Variants in SNAP91 observed in about 807,000 individuals in gnomAD.
SNAP91 encodes synaptosome associated protein 91, also known as clathrin coat assembly protein AP180.
A neutral mutation model predicts 100.3 loss-of-function variants in SNAP91; 27 were observed. The observed-to-expected ratio is 0.27, with a 90% confidence interval of 0.20 to 0.37. SNAP91 has a LOEUF of 0.37. Ranked by LOEUF, SNAP91 falls within the 10% of genes least tolerant of loss-of-function variation. The probability of loss-of-function intolerance (pLI) is 1.00; values close to 1 mark genes in which losing one functional copy is unlikely to be tolerated. For synonymous variants in SNAP91, 404 were observed against 398.6 expected (o/e 1.01, Z -0.16); for missense variants, 986 against 1,123.7 (o/e 0.88, Z 1.75).
At chr6:83,565,860 T>C (rs1795815366) in intron 26 of SNAP91, among the ~76,000 whole-genome samples, 2 of 152,158 alleles carry the variant, frequency 1.3e-5, no homozygotes, top group Non-Finnish European at 2.9e-5. Flanking sequence ...GTATTGCTGG[T>C]GGCAATGTAA....
chr6:83,661,660 T>A, intron 4 of SNAP91, 56 bp from the exon 5 acceptor site: 10 of 985,934 alleles, frequency 1.0e-5, no homozygotes, highest in Non-Finnish European at 1.5e-5. Flanking sequence ...TCAACTGTGC[T>A]TTGCATAGTA....
At chr6:83,678,388 T>G (rs1458129506) in intron 2 of SNAP91, among the ~76,000 whole-genome samples, 1 of 152,060 alleles carries the variant, frequency 6.6e-6, no homozygotes, top group Admixed American at 6.6e-5. Context: ...TTATCCTTAT[T>G]TAACTCCTTA....
At chr6:83,595,280 G>T (rs2094328921) in intron 16 of SNAP91, among the ~76,000 whole-genome samples, 1 of 152,046 alleles carries the variant, frequency 6.6e-6, no homozygotes, top group South Asian at 2.1e-4. Context: ...AATAGGGTAT[G>T]ATACCATAAT....
At chr6:83,665,963 C>A (rs2128771969) in intron 2 of SNAP91, among the ~76,000 whole-genome samples, 1 of 152,108 alleles carries the variant, frequency 6.6e-6, no homozygotes, top group Non-Finnish European at 1.5e-5. Flanking sequence ...ATTCTATATG[C>A]CATTTGAAGG....
chr6:83,570,174 T>G (rs898616694), intron 26 of SNAP91, among the ~76,000 whole-genome samples: 2 of 152,128 alleles, frequency 1.3e-5, no homozygotes, highest in Admixed American at 1.3e-4. Flanking sequence ...ATTCTTGTTA[T>G]GTTTTAGCAG....
At chr6:83,627,956 A>G (rs1309390623) in intron 8 of SNAP91, among the ~76,000 whole-genome samples, 2 of 151,622 alleles carry the variant, frequency 1.3e-5, no homozygotes, top group African/African-American at 2.4e-5. Context: ...ACCCATCACC[A>G]TAGTAGTGTA....
chr6:83,615,974 CAGAA>C (rs2096462839), intron 10 of SNAP91, among the ~76,000 whole-genome samples: 2 of 152,136 alleles, frequency 1.3e-5, no homozygotes, highest in Admixed American at 1.3e-4. Flanking sequence ...ATGGAATAAA[CAGAA>C]AGCTGGTATC....
At chr6:83,658,525 C>T (rs557834757) in intron 6 of SNAP91, among the ~76,000 whole-genome samples, 1 of 152,158 alleles carries the variant, frequency 6.6e-6, no homozygotes, top group South Asian at 2.1e-4. Flanking sequence ...AGGAGAATGG[C>T]GTGAACCCAG....
intron 22 of SNAP91, among the ~76,000 whole-genome samples, chr6:83,590,996 G>A (rs1361036309): frequency 6.6e-6 from 1 of 152,116 alleles, no homozygotes; most frequent in African/African-American, 2.4e-5. Flanking sequence ...GGTGTACTAT[G>A]AGATGCTGAA....
At chr6:83,708,080 CCT>C in intron 1 of SNAP91, 123 bp from the exon 2 acceptor site, 1 of 796,314 alleles carries the variant, frequency 1.3e-6, no homozygotes, top group Middle Eastern at 3.7e-4. Flanking sequence ...CCTGGCACCA[CCT>C]CTCGGAGCCA....
Position 83,601,301 on chromosome 6 carries a change from C to A in SNAP91, c.1294G>T (p.Ala432Ser). The change falls in exon 16 of 30, where the codon GCT (alanine) becomes TCT (serine). Residue 432 changes from alanine (A) to serine (S), a missense_variant. This residue lies in a region of SNAP91 where 575 missense variants were observed against 579.9 expected (regional missense o/e 0.99). Coordinates refer to ENST00000369694, the MANE Select transcript of SNAP91 (RefSeq NM_001242792.2). ...ASASTTTTVTAVTAEVDLFGD... is the reference protein window; with the variant it reads ...ASASTTTTVTSVTAEVDLFGD... ...AAGAGATCCACTTCAGCAGTGACAGCAGTAACAGTTGTAGTAGTGGAGGCA... is the reference window on the plus strand; with the variant it reads ...AAGAGATCCACTTCAGCAGTGACAGAAGTAACAGTTGTAGTAGTGGAGGCA... 1 of 1,613,466 alleles carries A rather than the reference C, an allele frequency of 6.2e-7. No homozygotes were observed. Among genetic ancestry groups the A allele is most frequent in the South Asian group, 1.1e-5 (1 of 91,044 alleles).
chr6:83,584,815 TC>T (rs60916075), intron 22 of SNAP91, among the ~76,000 whole-genome samples: 4,355 of 152,266 alleles, frequency 0.029, 75 homozygotes, highest in East Asian at 0.057. Context: ...GATCCAGGAT[TC>T]CAAACAGGAA....
chr6:83,560,487 G>A (rs149303936), intron 27 of SNAP91, among the ~76,000 whole-genome samples: 89 of 152,170 alleles, frequency 5.8e-4, no homozygotes, highest in Non-Finnish European at 1.1e-3. Context: ...CATAATTCTT[G>A]GAAAGAGAAA....
At chr6:83,634,051 T>C (rs2097327132) in intron 8 of SNAP91, among the ~76,000 whole-genome samples, 1 of 152,124 alleles carries the variant, frequency 6.6e-6, no homozygotes, top group African/African-American at 2.4e-5. Context: ...TGTATACATA[T>C]GTAACAAACC....
At chr6:83,618,164 ACT>A (rs1172328265) in intron 9 of SNAP91, among the ~76,000 whole-genome samples, 1 of 151,782 alleles carries the variant, frequency 6.6e-6, no homozygotes, top group African/African-American at 2.4e-5. Context: ...TCACTAATAG[ACT>A]CTTAAAACTG....
intron 11 of SNAP91, among the ~76,000 whole-genome samples, chr6:83,613,238 T>C (rs1158085572): frequency 6.6e-6 from 1 of 152,176 alleles, no homozygotes; most frequent in Admixed American, 6.5e-5. Context: ...TAATTCTCTA[T>C]CTTCTTCACT....
chr6:83,560,257 A>G, intron 27 of SNAP91, 49 bp from the exon 28 acceptor site: 1 of 1,305,382 alleles, frequency 7.7e-7, no homozygotes, highest in South Asian at 1.2e-5. Flanking sequence ...GGAACTCACT[A>G]GGGCACTATC....
intron 8 of SNAP91, among the ~76,000 whole-genome samples, chr6:83,638,699 T>C (rs1035055549): frequency 6.6e-6 from 1 of 152,184 alleles, no homozygotes; most frequent in African/African-American, 2.4e-5. Context: ...AAATGGATAA[T>C]TGTGTTCAAA....
At chr6:83,631,723 G>C (rs1278267256) in intron 8 of SNAP91, among the ~76,000 whole-genome samples, 1 of 151,996 alleles carries the variant, frequency 6.6e-6, no homozygotes, top group Non-Finnish European at 1.5e-5. Flanking sequence ...GTTTGTGTGA[G>C]TCTTTATGTG....
Sources: gnomAD v4.1 joint callset for allele counts (sites outside exome capture counted in the v4.1 genomes callset) on GRCh38, gnomAD v4.1.1 for gene constraint, gnomAD v4.1.1 regional missense constraint, MANE v1.5 for transcripts, NCBI Gene and HGNC (gene_info 2026-07-23, HGNC 2026-07-21) for gene names.